Variants in CSRP1 observed in about 807,000 individuals in gnomAD.
CSRP1 encodes cysteine and glycine rich protein 1.
Under a neutral mutation model 25.4 loss-of-function variants are expected in CSRP1, and 16 were observed. That is an observed-to-expected ratio of 0.63 (90% CI 0.43 to 0.96). CSRP1 has a LOEUF of 0.96. Among genes scored for constraint, CSRP1 ranks in the 40% least tolerant of loss-of-function variants. The pLI, the probability that CSRP1 is intolerant of heterozygous loss-of-function variation, is 0.00. For missense variants in CSRP1, 212 were observed against 243.6 expected, an observed-to-expected ratio of 0.87 and a Z score of 0.86; for synonymous variants, 97 against 95.3, an observed-to-expected ratio of 1.02 and a Z score of -0.10.
chr1:201,489,938 T>C (rs1460939661), intron 3 of CSRP1: 4 of 439,804 alleles, frequency 9.1e-6, no homozygotes, highest in Non-Finnish European at 1.6e-5. Flanking sequence ...CTGACTCTCA[T>C]ACAAATATAG....
chr1:201,505,586 C>G (rs1012506438), intron 1 of CSRP1, among the ~76,000 whole-genome samples: 3 of 152,238 alleles, frequency 2.0e-5, no homozygotes, highest in Admixed American at 6.5e-5. Flanking sequence ...CTAACCCACA[C>G]TACACCCTCT....
At chr1:201,489,973 G>T in intron 3 of CSRP1, 1 of 530,740 alleles carries the variant, frequency 1.9e-6, no homozygotes, top group Non-Finnish European at 3.3e-6. Context: ...GCAGGGAGGA[G>T]CCCAGCCTGT....
intron 1 of CSRP1, among the ~76,000 whole-genome samples, chr1:201,503,934 C>T (rs1664739885): frequency 6.6e-6 from 1 of 152,122 alleles, no homozygotes; most frequent in Non-Finnish European, 1.5e-5. Flanking sequence ...TCTCAGGGGT[C>T]CCCTCTGCTC....
At chr1:201,496,502 C>A in intron 1 of CSRP1, 198 bp from the exon 2 acceptor site, 1 of 603,678 alleles carries the variant, frequency 1.7e-6, no homozygotes, top group Non-Finnish European at 3.0e-6. Flanking sequence ...ATTTCCTCCC[C>A]CCAATCTAAT....
intron 1 of CSRP1, among the ~76,000 whole-genome samples, chr1:201,501,592 A>G (rs1664671101): frequency 6.6e-6 from 1 of 152,158 alleles, no homozygotes; most frequent in Non-Finnish European, 1.5e-5. Context: ...TTAGGACTGT[A>G]CCCAGATCCT....
intron 1 of CSRP1, among the ~76,000 whole-genome samples, chr1:201,503,789 TC>T (rs1468032816): frequency 6.6e-6 from 1 of 152,076 alleles, no homozygotes; most frequent in Admixed American, 6.5e-5. Context: ...TTCTCTGCCC[TC>T]CCCTCAAGTT....
chr1:201,504,753 A>T (rs1276502838), intron 1 of CSRP1, among the ~76,000 whole-genome samples: 1 of 150,842 alleles, frequency 6.6e-6, no homozygotes, highest in African/African-American at 2.4e-5. Context: ...ACTTGAGGCC[A>T]GGAGTTCGAG....
At chr1:201,490,366 G>A (rs1003168141) in intron 2 of CSRP1, 22 bp from the exon 3 acceptor site, 31 of 1,610,248 alleles carry the variant, frequency 1.9e-5, no homozygotes, top group South Asian at 9.9e-5. Flanking sequence ...AAGGGGAAGC[G>A]GACGCATTGA....
chr1:201,506,531 T>G (rs1232860697), intron 1 of CSRP1: 1 of 152,196 alleles, frequency 6.6e-6, no homozygotes, highest in East Asian at 1.9e-4. Flanking sequence ...GACTGCAGGC[T>G]CTTTCAGGTT....
At chr1:201,506,407 T>C (rs1161536938) in intron 1 of CSRP1, among the ~76,000 whole-genome samples, 1 of 152,204 alleles carries the variant, frequency 6.6e-6, no homozygotes, top group Non-Finnish European at 1.5e-5. Flanking sequence ...GTAGATACAA[T>C]ACCTGCCTCA....
intron 1 of CSRP1, among the ~76,000 whole-genome samples, chr1:201,500,149 C>T (rs1208625208): frequency 1.3e-5 from 2 of 152,206 alleles, no homozygotes; most frequent in Non-Finnish European, 2.9e-5. Context: ...GATAGGCATA[C>T]AATACATCAG....
chr1:201,488,754 G>A, intron 4 of CSRP1, 101 bp downstream of exon 4: 1 of 1,426,886 alleles, frequency 7.0e-7, no homozygotes, highest in Non-Finnish European at 9.6e-7. Flanking sequence ...CAGTGCTCAG[G>A]CTGCCCTGAG....
chr1:201,498,462 C>A (rs935770893), intron 1 of CSRP1, among the ~76,000 whole-genome samples: 1 of 152,220 alleles, frequency 6.6e-6, no homozygotes, highest in Non-Finnish European at 1.5e-5. Flanking sequence ...AAGGAGAGAG[C>A]TCACGGAACC....
chr1:201,496,607 AG>A (rs1416582813), intron 1 of CSRP1: 1 of 411,716 alleles, frequency 2.4e-6, no homozygotes, highest in African/African-American at 2.0e-5. Context: ...TTTATAAAGA[AG>A]GCTCCAGCTG....
chr1:201,484,827 T>G lies in CSRP1; in HGVS notation c.506-38A>C, dbSNP rs377371865. On this transcript the variant is annotated intron_variant, in intron 5 of 5. Coordinates refer to ENST00000340006, the MANE Select transcript of CSRP1 (RefSeq NM_004078.3). ...GAGAGAGATAAGGGCATGTTCTTCC[T>G]CCACCCCCAGCCACACCACCCACCC... is the stretch of plus-strand genomic sequence containing the variant. The G allele has an allele frequency of 2.5e-5, 40 of 1,569,154 alleles. No homozygotes were observed. The East Asian group carries it at 2.7e-4, about 11-fold the overall frequency.
chr1:201,484,158 C>A lies in CSRP1; in HGVS notation c.*555G>T, dbSNP rs1397010255. 9.4e-6 allele frequency: 6 copies of A among 637,054 alleles called. No homozygotes were observed. Among genetic ancestry groups the A allele is most frequent in the Non-Finnish European group, 1.5e-5 (5 of 342,890 alleles). The allele number at this position is 637,054 out of a possible 1,614,324, so 39.5% of individuals were successfully genotyped here. On this transcript the variant is annotated 3_prime_UTR_variant, in exon 6 of 6. Coordinates refer to ENST00000340006, the MANE Select transcript of CSRP1 (RefSeq NM_004078.3). ...CCTGGAGAAGCAGGGGCTCCTAGGACCCTGCCTGCATGCCTCTCTGCCTCC... is the reference window on the plus strand; with the variant it reads ...CCTGGAGAAGCAGGGGCTCCTAGGAACCTGCCTGCATGCCTCTCTGCCTCC...
intron 4 of CSRP1, chr1:201,487,763 C>G (rs748743017): frequency 6.6e-6 from 1 of 152,198 alleles, no homozygotes; most frequent in African/African-American, 2.4e-5. Flanking sequence ...CTGGCTTAGC[C>G]CCTTCCTAGC....
At position 201,490,492 on chromosome 1, in the gene CSRP1, G is replaced by A. The variant is rs565132305; in HGVS notation, c.113-148C>T. The A allele has an allele frequency of 1.4e-3, 1,073 of 779,988 alleles. 2 individuals carry two copies. The highest frequency in any genetic ancestry group is 1.8e-3 in the Non-Finnish European group (909 of 498,474). The allele number at this position is 779,988 out of a possible 1,614,324, so 48.3% of individuals were successfully genotyped here. A position where few individuals can be genotyped will look rare whatever the true frequency, so the allele number is the denominator to read the frequency against. ...AGGAACTGTCTACAAATGGAGGCAG[G>A]CGGGATGGCCAATGGGTGGGAGGAC... On this transcript the variant is annotated intron_variant, in intron 2 of 5. Coordinates refer to ENST00000340006, the MANE Select transcript of CSRP1 (RefSeq NM_004078.3).
chr1:201,490,186 T>G lies in CSRP1; in HGVS notation c.271A>C (p.Lys91Gln), dbSNP rs1664289251. 6.2e-7 allele frequency: 1 copy of G among 1,613,736 alleles called. No individual in the cohort carries two copies. The change falls in exon 3 of 6, where the codon AAG (lysine) becomes CAG (glutamine). Residue 91 changes from lysine to glutamine, a missense_variant. Coordinates refer to ENST00000340006, the MANE Select transcript of CSRP1 (RefSeq NM_004078.3). The part of the protein sequence containing the change: ...STDKGESLGI[K>Q]HEEAPGHRPT... ...GGATCTTTTACTCACTCCTCGTGCTTGATACCCAGCGACTCCCCCTTGTCA... is the reference window on the plus strand; with the variant it reads ...GGATCTTTTACTCACTCCTCGTGCTGGATACCCAGCGACTCCCCCTTGTCA...
Sources: gnomAD v4.1 joint callset for allele counts (sites outside exome capture counted in the v4.1 genomes callset) on GRCh38, gnomAD v4.1.1 for gene constraint, MANE v1.5 for transcripts, NCBI Gene and HGNC (gene_info 2026-07-23, HGNC 2026-07-21) for gene names.